WNK2: variants seen among roughly 807,000 people sequenced by gnomAD.
The protein encoded by WNK2 is WNK lysine deficient protein kinase 2.
WNK2 carries 67 observed loss-of-function variants against 192.1 expected under a neutral mutation model. The observed-to-expected ratio is 0.35, with a 90% CI of 0.29 to 0.43. The LOEUF is 0.43. WNK2 is among the 20% of genes least tolerant of loss of function. WNK2 has a pLI of 1.00. For missense variants in WNK2, 2,698 were observed against 3,089.7 expected (o/e 0.87, Z 3.01); for synonymous variants, 1,439 against 1,393.9 (o/e 1.03, Z -0.72).
At chr9:93,314,362 C>T (rs188833998) in intron 28 of WNK2, among the ~76,000 whole-genome samples, 2 of 151,208 alleles carry the variant, frequency 1.3e-5, no homozygotes, top group East Asian at 1.9e-4. Context: ...GTGAGAGGAT[C>T]GCTTGAGCCC....
intron 2 of WNK2, among the ~76,000 whole-genome samples, chr9:93,202,577 G>A (rs575358777): frequency 1.3e-5 from 2 of 152,074 alleles, no homozygotes; most frequent in South Asian, 2.1e-4. Context: ...GTATTTGCAC[G>A]GCTGATGGCC....
intron 18 of WNK2, 60 bp downstream of exon 18, chr9:93,268,125 G>A (rs1195848218): frequency 2.6e-6 from 4 of 1,555,862 alleles, no homozygotes; most frequent in African/African-American, 2.7e-5. Context: ...TCCCCACTCA[G>A]CATATTACCA....
rs748404597 is a variant in WNK2, at chr9:93,185,565, G to T, written c.636G>T (p.Gly212=). The change falls in exon 2 of 30, where the codon GGG becomes GGT. Residue 212 remains glycine (G), a synonymous_variant. Coordinates refer to ENST00000427277, the MANE Select transcript of WNK2 (RefSeq NM_006648.4). ...GTTCCTTCAAGACGGTCTACAAGGGGCTGGACACGGAGACCTGGGTGGAGG... is the reference window on the plus strand; with the variant it reads ...GTTCCTTCAAGACGGTCTACAAGGGTCTGGACACGGAGACCTGGGTGGAGG... ...GRGSFKTVYK[G]LDTETWVEVA... 2 of 1,612,822 alleles carry T rather than the reference G, an allele frequency of 1.2e-6. No homozygotes were observed. Among genetic ancestry groups the T allele is most frequent in the South Asian group, 2.2e-5 (2 of 90,948 alleles).
chr9:93,224,727 G>C (rs1837513615), intron 2 of WNK2, among the ~76,000 whole-genome samples: 1 of 152,322 alleles, frequency 6.6e-6, no homozygotes, highest in African/African-American at 2.4e-5. Flanking sequence ...CTGGGGACTT[G>C]GTAGGAGGAA....
chr9:93,239,842 A>T lies in WNK2; in HGVS notation c.1408A>T (p.Arg470Trp), dbSNP rs1840457000. ...RVELAEEDHGRKSTIALRLWV... is the reference protein window; with the variant it reads ...RVELAEEDHGWKSTIALRLWV... ...GGAGCTCGCGGAGGAGGACCACGGC[A>T]GGAAGTCCACCATCGCCCTGAGGCT... is the stretch of plus-strand genomic sequence containing the variant. The change falls in exon 7 of 30, where the codon AGG becomes TGG. Residue 470 changes from arginine (R) to tryptophan (W), a missense_variant. By Grantham distance (101) the Arg-to-Trp change is moderately radical. This residue lies in a region of WNK2 where 230 missense variants were observed against 501.1 expected (regional missense o/e 0.46). Transcript: ENST00000427277. The surrounding 1 kb of genome is among the most constrained non-coding windows in gnomAD (Gnocchi z 4.2). 6.3e-7 allele frequency: 1 copy of T among 1,596,990 alleles called. No homozygotes were observed. Among genetic ancestry groups the T allele is most frequent in the African/African-American group, 1.3e-5 (1 of 74,688 alleles).
At position 93,257,074 on chromosome 9, in the gene WNK2, G is replaced by A. The variant is rs540855871; in HGVS notation, c.2317G>A (p.Ala773Thr). ...TCCAGCCTCCCAGGTGGGGGCCCCC[G>A]CTCAGCTGAAGCCCCTCCAGATGCC... ...LAPASQVGAP[A>T]QLKPLQMPQA... The change falls in exon 11 of 30, where the codon GCT becomes ACT. Residue 773 changes from alanine (A) to threonine (T), a missense_variant. Coordinates refer to ENST00000427277, the MANE Select transcript of WNK2 (RefSeq NM_006648.4). This position sits in a 1 kb window ranked among gnomAD's most constrained non-coding sequence, Gnocchi z 4.7. The A allele has an allele frequency of 3.9e-5, 62 of 1,607,160 alleles. No individual in the cohort carries two copies. Among genetic ancestry groups the A allele is most frequent in the Admixed American group, 1.4e-4 (8 of 58,734 alleles).
At chr9:93,269,128 G>A (rs1845663656) in intron 19 of WNK2, among the ~76,000 whole-genome samples, 1 of 151,980 alleles carries the variant, frequency 6.6e-6, no homozygotes, top group African/African-American at 2.4e-5. Flanking sequence ...TGCTTGCTTT[G>A]GGGGGTGGGG....
In WNK2 at chr9:93,237,389, C is replaced by T. The variant is rs540352130; in HGVS notation, c.1234-844C>T. 2.6e-5 allele frequency among the ~76,000 whole-genome samples: 4 copies of T among 152,310 alleles called. No individual in the cohort carries two copies. In the South Asian group the frequency reaches 8.3e-4, roughly 32 times the overall value. ...CAGTGACCATCTTTCTCTGCTGCATCACATCTTCAGGTTCACTCGTCTTTT... is the reference window on the plus strand; with the variant it reads ...CAGTGACCATCTTTCTCTGCTGCATTACATCTTCAGGTTCACTCGTCTTTT... On this transcript the variant is annotated intron_variant, in intron 5 of 29. Transcript: ENST00000427277.
chr9:93,202,950 G>A (rs1028678813), intron 2 of WNK2, among the ~76,000 whole-genome samples: 3 of 152,164 alleles, frequency 2.0e-5, no homozygotes, highest in African/African-American at 7.2e-5. Flanking sequence ...AAGGCCATTT[G>A]CGAGGCACCC....
chr9:93,299,659 G>T (rs1298151702), intron 25 of WNK2, among the ~76,000 whole-genome samples: 1 of 152,126 alleles, frequency 6.6e-6, no homozygotes, highest in Non-Finnish European at 1.5e-5. Flanking sequence ...AGTCCAGAGG[G>T]ACGGCTGGGG....
intron 19 of WNK2, among the ~76,000 whole-genome samples, chr9:93,288,279 C>A (rs79518984): frequency 1.3e-5 from 2 of 152,220 alleles, no homozygotes; most frequent in East Asian, 3.8e-4. Flanking sequence ...ATACCAAAGA[C>A]TGGGGGTCTG....
intron 19 of WNK2, among the ~76,000 whole-genome samples, chr9:93,269,729 G>T (rs921540782): frequency 3.9e-5 from 6 of 152,202 alleles, no homozygotes; most frequent in African/African-American, 1.4e-4. Flanking sequence ...GGACACTGTG[G>T]TGTAAGTTTA....
intron 14 of WNK2, chr9:93,263,266 A>G (rs1844587308): frequency 6.0e-6 from 3 of 496,858 alleles, no homozygotes; most frequent in Admixed American, 3.4e-5. Context: ...GCTGTAGCAC[A>G]GATGGGGAAA....
Position 93,195,513 on chromosome 9 carries a change from A to T in WNK2, c.681+9903A>T, listed in dbSNP as rs151246347. Among the ~76,000 whole-genome samples, 185 of 152,202 alleles carry T rather than the reference A, an allele frequency of 1.2e-3. 1 individual carries two copies. The highest frequency in any genetic ancestry group is 4.4e-3 in the South Asian group (21 of 4,822). ...CAGGAGTTTGAGACCAGCCTGGCCA[A>T]CATGGTGAAAACCTGTCTCTACTAA... On this transcript the variant is annotated intron_variant, in intron 2 of 29. Transcript: ENST00000427277.
chr9:93,306,866 G>T lies in WNK2; in HGVS notation c.6259+45G>T, dbSNP rs780207842. The T allele has an allele frequency of 1.9e-6, 3 of 1,613,372 alleles. No individual in the cohort carries two copies. In the African/African-American group the frequency reaches 4.0e-5, roughly 22 times the overall value. On this transcript the variant is annotated intron_variant, in intron 27 of 29. Transcript: ENST00000427277. Reference sequence around the variant, plus strand: ...CCCCTTTGTCCTCTCTCATCGCATGGGCTTTCTCGTGGCTAGCGCACATCA... The same window carrying T: ...CCCCTTTGTCCTCTCTCATCGCATGTGCTTTCTCGTGGCTAGCGCACATCA...
chr9:93,263,572 A>G lies in WNK2; in HGVS notation c.3417A>G (p.Gly1139=), dbSNP rs774434172. The stretch of plus-strand genomic sequence containing the variant: ...GTTCTTGGGTTTTGCTCAGCTATGG[A>G]GGTTCTGATGTCACTTCTGGAAAAG... ...PGLPQSCESY[G]GSDVTSGKEL... Residue 1139 remains glycine (G), a synonymous_variant, in exon 15 of 30, where the codon GGA becomes GGG. Coordinates refer to ENST00000427277, the MANE Select transcript of WNK2 (RefSeq NM_006648.4). The G allele has an allele frequency of 6.2e-7, 1 of 1,611,058 alleles. No homozygotes were observed. Among genetic ancestry groups the G allele is most frequent in the South Asian group, 1.1e-5 (1 of 90,488 alleles).
In WNK2 at chr9:93,308,332, C is replaced by T. The variant is rs1187131163; in HGVS notation, c.6264C>T (p.Ser2088=). ...GGCCTGTGTGTGACTCCCCAGGGTCCTCCACCAGCAGCCTGGCCCCAGGCC... is the reference window on the plus strand; with the variant it reads ...GGCCTGTGTGTGACTCCCCAGGGTCTTCCACCAGCAGCCTGGCCCCAGGCC... ...LCLGKEHSSR[S]STSSLAPGPE... The change falls in exon 28 of 30, where the codon TCC becomes TCT. Residue 2088 remains serine (S), a synonymous_variant. Coordinates refer to ENST00000427277, the MANE Select transcript of WNK2 (RefSeq NM_006648.4). 2 of 1,553,478 alleles carry T rather than the reference C, an allele frequency of 1.3e-6. No homozygotes were observed. Among genetic ancestry groups the T allele is most frequent in the Non-Finnish European group, 8.7e-7 (1 of 1,148,630 alleles).
At chr9:93,283,802 G>GT (rs1848068322) in intron 19 of WNK2, among the ~76,000 whole-genome samples, 1 of 152,200 alleles carries the variant, frequency 6.6e-6, no homozygotes, top group South Asian at 2.1e-4. Context: ...AATGTACACT[G>GT]ACTTGTGCCC....
intron 19 of WNK2, among the ~76,000 whole-genome samples, chr9:93,279,857 C>CA (rs1847463045): frequency 6.6e-6 from 1 of 151,956 alleles, no homozygotes; most frequent in Admixed American, 6.6e-5. Flanking sequence ...TACACACACA[C>CA]AAAAAAGGAT....
Sources: gnomAD v4.1 joint callset for allele counts (sites outside exome capture counted in the v4.1 genomes callset) on GRCh38, gnomAD v4.1.1 for gene constraint, gnomAD v4.1.1 regional missense constraint, Gnocchi (gnomAD v3.1) non-coding constraint, MANE v1.5 for transcripts, NCBI Gene and HGNC (gene_info 2026-07-23, HGNC 2026-07-21) for gene names.